The following PLD3 variants were observed in gnomAD, a reference collection of about 807,000 sequenced individuals.
PLD3 encodes 5'-3' exonuclease PLD3.
A neutral mutation model predicts 58.4 loss-of-function variants in PLD3; 31 were observed. That is an observed-to-expected ratio of 0.53 (90% CI 0.40 to 0.72). The LOEUF is 0.72. Among genes scored for constraint, PLD3 ranks in the 30% least tolerant of loss-of-function variants. The pLI, the probability that PLD3 is intolerant of heterozygous loss-of-function variation, is 0.00. For synonymous variants in PLD3, 264 were observed against 273.4 expected (o/e 0.97, Z 0.34); for missense variants, 595 against 659.8 (o/e 0.90, Z 1.08).
At chr19:40,362,318 G>C (rs1182817998) in intron 1 of PLD3, among the ~76,000 whole-genome samples, 1 of 152,214 alleles carries the variant, frequency 6.6e-6, no homozygotes, top group Non-Finnish European at 1.5e-5. Context: ...ACTTCTCCAA[G>C]GTCAAACAGT....
At chr19:40,356,914 A>T (rs1162688314) in intron 1 of PLD3, 4 of 152,216 alleles carry the variant, frequency 2.6e-5, no homozygotes, top group Non-Finnish European at 5.9e-5. Context: ...GAGACAGCTT[A>T]GGGTTTTTAA....
At position 40,366,895 on chromosome 19, in the gene PLD3, C is replaced by A; in HGVS notation, c.225C>A (p.Ala75=). 6.2e-7 allele frequency: 1 copy of A among 1,610,700 alleles called. No individual in the cohort carries two copies. Among genetic ancestry groups the A allele is most frequent in the Non-Finnish European group, 8.5e-7 (1 of 1,178,190 alleles). Residue 75 remains alanine, a synonymous_variant, in exon 5 of 13, where the codon GCC becomes GCA. Coordinates refer to ENST00000409735, the MANE Select transcript of PLD3 (RefSeq NM_012268.4). The part of the protein sequence containing the change: ...LHLFGPNQRP[A]PCYDPCEAVL... Reference sequence around the variant, plus strand: ...TCTTTGGGCCCAACCAGCGCCCAGCCCCCTGCTATGACCCTTGCGAGTAAG... The same window carrying A: ...TCTTTGGGCCCAACCAGCGCCCAGCACCCTGCTATGACCCTTGCGAGTAAG...
At chr19:40,371,570 G>T in intron 8 of PLD3, 103 bp from the exon 9 acceptor site, 1 of 694,146 alleles carries the variant, frequency 1.4e-6, no homozygotes, top group Non-Finnish European at 2.5e-6. Flanking sequence ...GGTGGAGGGG[G>T]TACTGTGGGA....
At position 40,374,487 on chromosome 19, in the gene PLD3, C is replaced by T; in HGVS notation, c.886C>T (p.Pro296Ser). 1 of 1,614,048 alleles carries T rather than the reference C, an allele frequency of 6.2e-7. No individual in the cohort carries two copies. The highest frequency in any genetic ancestry group is 8.5e-7 in the Non-Finnish European group (1 of 1,179,982). ...ACTGTCCCCTCGCCCTCAGAGTGCG[C>T]CCCCACCCCTGTGTCCAAGTGGCCG... Reference protein sequence around the residue: ...TPALAYLASAPPPLCPSGRTP... With the variant: ...TPALAYLASASPPLCPSGRTP... The change falls in exon 10 of 13, where the codon CCC (proline) becomes TCC (serine). Residue 296 changes from proline (P) to serine (S), a missense_variant. Coordinates refer to ENST00000409735, the MANE Select transcript of PLD3 (RefSeq NM_012268.4).
chr19:40,376,732 G>C lies in PLD3; in HGVS notation c.1143G>C (p.Leu381=). Residue 381 remains leucine, a synonymous_variant, in exon 11 of 13, where the codon CTG becomes CTC. Coordinates refer to ENST00000409735, the MANE Select transcript of PLD3 (RefSeq NM_012268.4). ...CCATGCGGGCCTTCCTGCTCTCTCT[G>C]GCTGCCCTGCGTGACAACCATACCC... ...EPSMRAFLLS[L]AALRDNHTHS... 6.2e-7 allele frequency: 1 copy of C among 1,601,692 alleles called. No individual in the cohort carries two copies. Among genetic ancestry groups the C allele is most frequent in the Non-Finnish European group, 8.5e-7 (1 of 1,179,948 alleles).
Position 40,366,924 on chromosome 19 carries a change from G to T in PLD3, c.245+9G>T. 1 of 1,591,640 alleles carries T rather than the reference G, an allele frequency of 6.3e-7. No homozygotes were observed. Among genetic ancestry groups the T allele is most frequent in the Non-Finnish European group, 8.6e-7 (1 of 1,168,154 alleles). Reference sequence around the variant, plus strand: ...TGCTATGACCCTTGCGAGTAAGTGGGGGGTGCTGCAGTTGGTGGGGGAGGG... The same window carrying T: ...TGCTATGACCCTTGCGAGTAAGTGGTGGGTGCTGCAGTTGGTGGGGGAGGG... On this transcript the variant is annotated intron_variant, in intron 5 of 12. Coordinates refer to ENST00000409735, the MANE Select transcript of PLD3 (RefSeq NM_012268.4).
In PLD3 at chr19:40,377,905, C is replaced by T. The variant is rs374988100; in HGVS notation, c.1285+20C>T. On this transcript the variant is annotated intron_variant, in intron 12 of 12. Coordinates refer to ENST00000409735, the MANE Select transcript of PLD3 (RefSeq NM_012268.4). Reference sequence around the variant, plus strand: ...ACATCGGTGAGTGTCTTGAGCACCACGGGGCGCTGAAGAAGAGGGGGTTCA... The same window carrying T: ...ACATCGGTGAGTGTCTTGAGCACCATGGGGCGCTGAAGAAGAGGGGGTTCA... 1.1e-5 allele frequency: 17 copies of T among 1,612,960 alleles called. No homozygotes were observed. Among genetic ancestry groups the T allele is most frequent in the South Asian group, 8.8e-5 (8 of 91,088 alleles).
chr19:40,354,650 C>G lies in PLD3; in HGVS notation c.-279+5882C>G, dbSNP rs560126429. ...CAGTAGTTCTCCTGCCTCAGCCTCC[C>G]AAGTACCTGGAATTACAAGTGCGTA... On this transcript the variant is annotated intron_variant, in intron 1 of 12. Coordinates refer to ENST00000409735, the MANE Select transcript of PLD3 (RefSeq NM_012268.4). Among the ~76,000 whole-genome samples, 3 of 151,914 alleles carry G rather than the reference C, an allele frequency of 2.0e-5. No homozygotes were observed. In the South Asian group the frequency reaches 6.3e-4, roughly 32 times the overall value.
intron 9 of PLD3, among the ~76,000 whole-genome samples, chr19:40,373,840 T>A (rs762549836): frequency 2.6e-5 from 4 of 151,476 alleles, no homozygotes; most frequent in Non-Finnish European, 4.4e-5. Flanking sequence ...TACAAAAAAA[T>A]TAGCTGGCTA....
chr19:40,367,741 T>G lies in PLD3; in HGVS notation c.291T>G (p.Asn97Lys). The G allele has an allele frequency of 6.2e-7, 1 of 1,613,740 alleles. No homozygotes were observed. The highest frequency in any genetic ancestry group is 1.1e-5 in the South Asian group (1 of 91,056). ...TTCCTGAGGGCCTGGACTTCCCCAA[T>G]GCCTCCACGGGGAACCCTTCCACCA... is the stretch of plus-strand genomic sequence containing the variant. ...ESIPEGLDFP[N>K]ASTGNPSTSQ... Residue 97 changes from asparagine (N) to lysine (K), a missense_variant, in exon 6 of 13, where the codon AAT becomes AAG. Transcript: ENST00000409735.
intron 1 of PLD3, among the ~76,000 whole-genome samples, chr19:40,361,225 C>T (rs1168066053): frequency 6.6e-6 from 1 of 152,262 alleles, no homozygotes; most frequent in Non-Finnish European, 1.5e-5. Flanking sequence ...ATTCTCCTGC[C>T]TCAGCAATCC....
chr19:40,353,820 C>T (rs1008231186), intron 1 of PLD3, among the ~76,000 whole-genome samples: 5 of 152,010 alleles, frequency 3.3e-5, no homozygotes, highest in African/African-American at 9.6e-5. Flanking sequence ...CCTCATGATC[C>T]GCCCGCCTTG....
At chr19:40,363,803 C>A (rs559794486) in intron 1 of PLD3, among the ~76,000 whole-genome samples, 1 of 152,138 alleles carries the variant, frequency 6.6e-6, no homozygotes, top group Non-Finnish European at 1.5e-5. Flanking sequence ...GTTCTACCCT[C>A]GCCAGTCTGG....
intron 5 of PLD3, chr19:40,367,453 C>T (rs1049751263): frequency 4.6e-6 from 2 of 432,288 alleles, no homozygotes; most frequent in Non-Finnish European, 4.2e-6. Context: ...TACTGGTGCA[C>T]ACCTGTAGTC....
intron 1 of PLD3, among the ~76,000 whole-genome samples, chr19:40,364,162 T>C (rs1210616757): frequency 1.3e-5 from 2 of 151,208 alleles, no homozygotes; most frequent in African/African-American, 4.9e-5. Flanking sequence ...GAGACCAGCC[T>C]GGCCAACTTG....
intron 9 of PLD3, among the ~76,000 whole-genome samples, chr19:40,373,156 G>A (rs1273465146): frequency 6.6e-6 from 1 of 152,200 alleles, no homozygotes; most frequent in Non-Finnish European, 1.5e-5. Flanking sequence ...ACAACCCTAA[G>A]GCGTGGACGT....
In PLD3 at chr19:40,366,943, G is replaced by A. The variant is rs1433873259; in HGVS notation, c.245+28G>A. 1.9e-6 allele frequency: 3 copies of A among 1,576,738 alleles called. No individual in the cohort carries two copies. The South Asian group carries it at 3.5e-5, about 18-fold the overall frequency. ...AAGTGGGGGGTGCTGCAGTTGGTGG[G>A]GGAGGGGCCTGCCAGACCAGGTACA... On this transcript the variant is annotated intron_variant, in intron 5 of 12. Transcript: ENST00000409735.
intron 1 of PLD3, among the ~76,000 whole-genome samples, chr19:40,354,123 G>A (rs2078592407): frequency 6.8e-6 from 1 of 147,556 alleles, no homozygotes; most frequent in Admixed American, 6.8e-5. Context: ...GCCCAGGCTG[G>A]AGTGCAGTGG....
chr19:40,353,638 G>A (rs1042677059), intron 1 of PLD3, among the ~76,000 whole-genome samples: 5 of 151,694 alleles, frequency 3.3e-5, no homozygotes, highest in South Asian at 2.1e-4. Flanking sequence ...GAGTGCAGTG[G>A]TGTGATCTCA....
Sources: gnomAD v4.1 joint callset for allele counts (sites outside exome capture counted in the v4.1 genomes callset) on GRCh38, gnomAD v4.1.1 for gene constraint, MANE v1.5 for transcripts, NCBI Gene and HGNC (gene_info 2026-07-23, HGNC 2026-07-21) for gene names.